Variants in CNTN4 observed in about 807,000 individuals in gnomAD.
CNTN4 encodes the protein contactin-4.
In CNTN4, 77 loss-of-function variants were observed where a neutral mutation model predicts 122.5. That is an observed-to-expected ratio of 0.63 (90% CI 0.52 to 0.76). The LOEUF is 0.76. Ranked by LOEUF, CNTN4 falls within the 30% of genes least tolerant of loss-of-function variation. The pLI is 0.00. For missense variants in CNTN4, 1,256 were observed against 1,259.1 expected (o/e 1.00, Z 0.04); for synonymous variants, 512 against 447.0 (o/e 1.15, Z -1.83).
chr3:2,507,157 C>T (rs1044212654), intron 3 of CNTN4, among the ~76,000 whole-genome samples: 5 of 152,056 alleles, frequency 3.3e-5, no homozygotes, highest in African/African-American at 1.2e-4. Flanking sequence ...GCACTCAGTT[C>T]TTCGGTATTC....
intron 3 of CNTN4, among the ~76,000 whole-genome samples, chr3:2,565,119 C>G (rs2149450833): frequency 6.6e-6 from 1 of 152,050 alleles, no homozygotes; most frequent in East Asian, 1.9e-4. Context: ...CTAAATCAAC[C>G]ATTGGGTAGG....
chr3:2,500,248 C>T lies in CNTN4; in HGVS notation c.-88-71168C>T, dbSNP rs528470517. ...ACTTGAATCACCTTCTTTCTGAGGC[C>T]CATTAATTGCAGCCTAGTATTTTAG... On this transcript the variant is annotated intron_variant, in intron 3 of 24. Coordinates refer to ENST00000418658, the MANE Select transcript of CNTN4 (RefSeq NM_175607.3). 9.9e-5 allele frequency among the ~76,000 whole-genome samples: 15 copies of T among 152,068 alleles called. No individual in the cohort carries two copies. In the South Asian group the frequency reaches 3.1e-3, roughly 31 times the overall value.
At chr3:2,688,522 T>C (rs1037141761) in intron 4 of CNTN4, among the ~76,000 whole-genome samples, 2 of 152,188 alleles carry the variant, frequency 1.3e-5, no homozygotes, top group Non-Finnish European at 2.9e-5. Context: ...TTGATGGTGG[T>C]AGAAGGACAG....
At chr3:2,806,444 G>T (rs2150104858) in intron 6 of CNTN4, among the ~76,000 whole-genome samples, 1 of 152,258 alleles carries the variant, frequency 6.6e-6, no homozygotes, top group South Asian at 2.1e-4. Context: ...AGGATGGTAA[G>T]GTCTTCCTAA....
chr3:2,416,350 C>T (rs758609032), intron 3 of CNTN4, among the ~76,000 whole-genome samples: 4 of 152,022 alleles, frequency 2.6e-5, no homozygotes, highest in Non-Finnish European at 4.4e-5. Flanking sequence ...TTTATCAATG[C>T]CATTAGTTTT....
At chr3:2,968,603 A>G (rs1162487182) in intron 13 of CNTN4, among the ~76,000 whole-genome samples, 1 of 152,246 alleles carries the variant, frequency 6.6e-6, no homozygotes, top group African/African-American at 2.4e-5. Flanking sequence ...AGCCACTAAA[A>G]GGGAAGTCAC....
chr3:2,846,533 A>G (rs765976106), intron 7 of CNTN4, among the ~76,000 whole-genome samples: 5 of 152,168 alleles, frequency 3.3e-5, no homozygotes, highest in Non-Finnish European at 7.3e-5. Context: ...AAGAGATTAA[A>G]ACACTGGTTA....
chr3:2,742,430 G>T (rs2089508619), intron 5 of CNTN4, among the ~76,000 whole-genome samples: 1 of 152,140 alleles, frequency 6.6e-6, no homozygotes, highest in Admixed American at 6.5e-5. Context: ...TCACTCACTT[G>T]GTCGGAGTAC....
intron 7 of CNTN4, among the ~76,000 whole-genome samples, chr3:2,849,384 G>T (rs771739514): frequency 6.6e-6 from 1 of 152,196 alleles, no homozygotes; most frequent in Non-Finnish European, 1.5e-5. Context: ...ACTGAACTGT[G>T]CACTTACAAA....
intron 4 of CNTN4, among the ~76,000 whole-genome samples, chr3:2,625,028 T>C (rs778268563): frequency 4.6e-5 from 7 of 152,156 alleles, no homozygotes; most frequent in African/African-American, 7.2e-5. Context: ...ATAATGTGAG[T>C]AATAATAGTA....
intron 3 of CNTN4, among the ~76,000 whole-genome samples, chr3:2,563,982 A>T (rs764753760): frequency 6.6e-6 from 1 of 152,156 alleles, no homozygotes; most frequent in Non-Finnish European, 1.5e-5. Flanking sequence ...ATTATGTGCT[A>T]TAACTAAGTT....
intron 2 of CNTN4, among the ~76,000 whole-genome samples, chr3:2,136,622 C>T (rs968792303): frequency 4.0e-5 from 6 of 151,280 alleles, no homozygotes; most frequent in African/African-American, 7.3e-5. Context: ...ATTTGAGAAG[C>T]GACGTGGTAA....
chr3:2,492,460 C>T (rs536424189), intron 3 of CNTN4, among the ~76,000 whole-genome samples: 1 of 152,116 alleles, frequency 6.6e-6, no homozygotes, highest in East Asian at 1.9e-4. Context: ...TCTGCGAGGC[C>T]TCATTCTCTC....
At chr3:2,116,054 C>G (rs181986037) in intron 2 of CNTN4, among the ~76,000 whole-genome samples, 3 of 152,098 alleles carry the variant, frequency 2.0e-5, no homozygotes, top group Non-Finnish European at 4.4e-5. Flanking sequence ...CTAACTTGGG[C>G]CTGGCACTCA....
intron 3 of CNTN4, among the ~76,000 whole-genome samples, chr3:2,447,236 C>G (rs546714264): frequency 4.2e-4 from 64 of 152,272 alleles, no homozygotes; most frequent in African/African-American, 1.5e-3. Flanking sequence ...TACAAGGAGC[C>G]TAAGCATATT....
intron 2 of CNTN4, among the ~76,000 whole-genome samples, chr3:2,103,755 A>G (rs1559243745): frequency 6.6e-6 from 1 of 152,098 alleles, no homozygotes; most frequent in Admixed American, 6.5e-5. Flanking sequence ...CTATATGACT[A>G]AGGGGACTGT....
intron 12 of CNTN4, among the ~76,000 whole-genome samples, chr3:2,914,140 C>G (rs62232779): frequency 0.37 from 55,901 of 151,808 alleles, 10,732 homozygotes; most frequent in East Asian, 0.65. Flanking sequence ...CCAAAACTTA[C>G]GGATGCAGCA....
chr3:2,406,647 T>C (rs2151003654), intron 3 of CNTN4, among the ~76,000 whole-genome samples: 1 of 152,304 alleles, frequency 6.6e-6, no homozygotes, highest in East Asian at 1.9e-4. Context: ...TCTCATTAAA[T>C]AGCTTTGTAA....
chr3:2,439,533 C>T (rs1338282487), intron 3 of CNTN4, among the ~76,000 whole-genome samples: 1 of 151,974 alleles, frequency 6.6e-6, no homozygotes, highest in African/African-American at 2.4e-5. Flanking sequence ...AGAGAGATAG[C>T]TATAAGGAGA....
Sources: gnomAD v4.1 joint callset for allele counts (sites outside exome capture counted in the v4.1 genomes callset) on GRCh38, gnomAD v4.1.1 for gene constraint, MANE v1.5 for transcripts, NCBI Gene and HGNC (gene_info 2026-07-23, HGNC 2026-07-21) for gene names.